Variants in GRHL2 observed in about 807,000 individuals in gnomAD.
GRHL2 encodes the protein grainyhead-like protein 2 homolog.
GRHL2 carries 21 observed loss-of-function variants against 83.8 expected under a neutral mutation model. The observed-to-expected ratio is 0.25, with a 90% CI of 0.18 to 0.36. The LOEUF (loss-of-function observed/expected upper bound fraction) is 0.36. Ranked by LOEUF, GRHL2 falls within the 10% of genes least tolerant of loss-of-function variation. GRHL2 has a pLI of 1.00. For synonymous variants in GRHL2, 280 were observed against 278.9 expected (o/e 1.00, Z -0.04); for missense variants, 623 against 781.8 (o/e 0.80, Z 2.42).
intron 2 of GRHL2, among the ~76,000 whole-genome samples, chr8:101,549,060 G>A (rs1402836861): frequency 2.0e-5 from 3 of 151,792 alleles, no homozygotes. Flanking sequence ...CATAGAGACT[G>A]CCATATCATG....
chr8:101,625,233 T>C (rs1428869266), intron 9 of GRHL2, among the ~76,000 whole-genome samples: 1 of 152,036 alleles, frequency 6.6e-6, no homozygotes, highest in African/African-American at 2.4e-5. Context: ...AAGAATTGAA[T>C]AGAGGAACCT....
intron 1 of GRHL2, among the ~76,000 whole-genome samples, chr8:101,493,863 G>C (rs886806603): frequency 6.6e-6 from 1 of 151,644 alleles, no homozygotes; most frequent in Non-Finnish European, 1.5e-5. Flanking sequence ...GCGTCCTGAC[G>C]GCCTCCCCCC....
chr8:101,503,592 A>G (rs1363734646), intron 1 of GRHL2, among the ~76,000 whole-genome samples: 3 of 152,234 alleles, frequency 2.0e-5, no homozygotes, highest in Non-Finnish European at 4.4e-5. Context: ...ACTAAATTCC[A>G]GTTTCAGGGA....
At chr8:101,658,978 G>A (rs536000409) in intron 14 of GRHL2, among the ~76,000 whole-genome samples, 1 of 152,196 alleles carries the variant, frequency 6.6e-6, no homozygotes, top group African/African-American at 2.4e-5. Context: ...TGGCAGTCTG[G>A]TGAAATATAT....
At chr8:101,519,604 C>A (rs1586414392) in intron 1 of GRHL2, among the ~76,000 whole-genome samples, 1 of 121,688 alleles carries the variant, frequency 8.2e-6, no homozygotes, top group Non-Finnish European at 1.7e-5. Flanking sequence ...CAACAAAAAA[C>A]AATTGTCTGG....
At chr8:101,650,691 G>T (rs906430948) in intron 14 of GRHL2, among the ~76,000 whole-genome samples, 1 of 151,826 alleles carries the variant, frequency 6.6e-6, no homozygotes, top group African/African-American at 2.4e-5. Flanking sequence ...GGTTTTCTTT[G>T]GGGGGGATGA....
chr8:101,512,496 A>G (rs518203), intron 1 of GRHL2, among the ~76,000 whole-genome samples: 91,077 of 151,870 alleles, frequency 0.6, 28,778 homozygotes, highest in Non-Finnish European at 0.71. Context: ...ACATTTTGAG[A>G]CACAGTGTCA....
Position 101,641,219 on chromosome 8 carries a change from G to A in GRHL2, c.1518-2912G>A, listed in dbSNP as rs150464375. On this transcript the variant is annotated intron_variant, in intron 12 of 15. Transcript: ENST00000646743. ...ATTTTGGGCTAAGTTCTTCCCCAAA[G>A]AGTAATTCATTGAAAATAAATGGAT... 2.4e-4 allele frequency among the ~76,000 whole-genome samples: 37 copies of A among 152,242 alleles called. No individual in the cohort carries two copies. The East Asian group carries it at 5.4e-3, about 22-fold the overall frequency.
In GRHL2 at chr8:101,535,281, T is replaced by C. The variant is rs565834476; in HGVS notation, c.21-7960T>C. On this transcript the variant is annotated intron_variant, in intron 1 of 15. Transcript: ENST00000646743. ...TGAGTGTGTAGGTGTGTTAATTTAC[T>C]CAGGGAGATGTGTGTGTGTGTGTGA... 2.0e-5 allele frequency among the ~76,000 whole-genome samples: 3 copies of C among 152,276 alleles called. No individual in the cohort carries two copies. In the South Asian group the frequency reaches 6.2e-4, roughly 32 times the overall value.
chr8:101,598,177 T>A (rs114171837), intron 7 of GRHL2, among the ~76,000 whole-genome samples: 2,152 of 151,090 alleles, frequency 0.014, 43 homozygotes, highest in African/African-American at 0.05. Flanking sequence ...AGTCATAAAA[T>A]AAGAGAAGGC....
At chr8:101,509,611 A>G (rs1810423793) in intron 1 of GRHL2, among the ~76,000 whole-genome samples, 1 of 151,960 alleles carries the variant, frequency 6.6e-6, no homozygotes, top group Admixed American at 6.6e-5. Flanking sequence ...ATTTTCTTCA[A>G]TTTTCCTCTT....
chr8:101,583,864 A>C (rs1000099872), intron 7 of GRHL2, among the ~76,000 whole-genome samples: 1 of 152,206 alleles, frequency 6.6e-6, no homozygotes, highest in Non-Finnish European at 1.5e-5. Context: ...TACAACAGTT[A>C]ATTGGTAGCA....
At position 101,543,117 on chromosome 8, in the gene GRHL2, C is replaced by G. The variant is rs188117233; in HGVS notation, c.21-124C>G. 5.9e-5 allele frequency: 47 copies of G among 802,668 alleles called. No individual in the cohort carries two copies. In the African/African-American group the frequency reaches 7.2e-4, roughly 12 times the overall value. The allele number at this position is 802,668 out of a possible 1,614,324, so 49.7% of individuals were successfully genotyped here. ...GTCACTTTAACTTTAAACTTCTTCC[C>G]TTCCTTCTCCCCCATTCTGGGGAAA... On this transcript the variant is annotated intron_variant, in intron 1 of 15. Coordinates refer to ENST00000646743, the MANE Select transcript of GRHL2 (RefSeq NM_024915.4).
At chr8:101,674,778 T>C in the GRHL2 span, among the ~76,000 whole-genome samples, 1 of 152,090 alleles carries the variant, frequency 6.6e-6, no homozygotes, top group African/African-American at 2.4e-5. Flanking sequence ...TAGACCAATA[T>C]CCTTGATGAA....
At position 101,631,681 on chromosome 8, in the gene GRHL2, G is replaced by T. The variant is rs751587432; in HGVS notation, c.1302G>T (p.Arg434Ser). Residue 434 changes from arginine (R) to serine (S), a missense_variant, in exon 10 of 16, where the codon AGG becomes AGT. This residue lies in a region of GRHL2 where 210 missense variants were observed against 254.8 expected (regional missense o/e 0.82). Coordinates refer to ENST00000646743, the MANE Select transcript of GRHL2 (RefSeq NM_024915.4). ...GAGATGAAGAGCGGAAGCAGAACAG[G>T]AAGAAAGGGAAAGGCCAGGCCTCCC... ...KIRDEERKQNRKKGKGQASQT... is the reference protein window; with the variant it reads ...KIRDEERKQNSKKGKGQASQT... 8 of 1,613,672 alleles carry T rather than the reference G, an allele frequency of 5.0e-6. No individual in the cohort carries two copies. The East Asian group carries it at 1.8e-4, about 36-fold the overall frequency.
intron 2 of GRHL2, among the ~76,000 whole-genome samples, chr8:101,550,982 T>C (rs1452766607): frequency 6.6e-6 from 1 of 152,214 alleles, no homozygotes; most frequent in African/African-American, 2.4e-5. Flanking sequence ...TATGGCCATG[T>C]CCCATTTTGT....
intron 7 of GRHL2, among the ~76,000 whole-genome samples, chr8:101,595,818 C>G (rs1255500553): frequency 1.3e-5 from 2 of 151,882 alleles, no homozygotes; most frequent in Non-Finnish European, 2.9e-5. Context: ...TAAATAAATG[C>G]ATTTTTAAAA....
At chr8:101,498,898 A>G (rs1810164669) in intron 1 of GRHL2, among the ~76,000 whole-genome samples, 1 of 151,978 alleles carries the variant, frequency 6.6e-6, no homozygotes, top group Admixed American at 6.6e-5. Context: ...ACACAGTGAA[A>G]CCCCGTCTCT....
intron 4 of GRHL2, among the ~76,000 whole-genome samples, chr8:101,559,971 A>G (rs1811573947): frequency 6.6e-6 from 1 of 152,098 alleles, no homozygotes; most frequent in Non-Finnish European, 1.5e-5. Flanking sequence ...ATTGCTTAGC[A>G]TAGTTTTGAG....
Sources: allele counts gnomAD v4.1 joint callset (sites outside exome capture counted in the v4.1 genomes callset), GRCh38; gene constraint gnomAD v4.1.1; regional missense constraint gnomAD v4.1.1; transcripts MANE v1.5; gene names NCBI Gene and HGNC (gene_info 2026-07-23, HGNC 2026-07-21).